The following RFX2 variants were observed in gnomAD, a reference collection of about 807,000 sequenced individuals.
The protein encoded by RFX2 is DNA-binding protein RFX2.
Under a neutral mutation model 87.8 loss-of-function variants are expected in RFX2, and 20 were observed. That is an observed-to-expected ratio of 0.23 (90% CI 0.16 to 0.33). The LOEUF (loss-of-function observed/expected upper bound fraction) is 0.33, where lower values mean the gene tolerates loss of function less well. Ranked by LOEUF, RFX2 falls within the 10% of genes least tolerant of loss-of-function variation. The pLI is 1.00. For missense variants in RFX2, 767 were observed against 1,012.3 expected (o/e 0.76, Z 3.29); for synonymous variants, 397 against 431.3 (o/e 0.92, Z 0.98).
At chr19:6,080,654 G>A (rs2087768203) in intron 1 of RFX2, among the ~76,000 whole-genome samples, 1 of 152,180 alleles carries the variant, frequency 6.6e-6, no homozygotes, top group Non-Finnish European at 1.5e-5. Flanking sequence ...GGAGGATGTG[G>A]GAGAGAGCAG....
In RFX2 at chr19:6,016,289, C is replaced by G. The variant is rs150889636; in HGVS notation, c.598-18G>C. 6.3e-7 allele frequency: 1 copy of G among 1,576,640 alleles called. No homozygotes were observed. Among genetic ancestry groups the G allele is most frequent in the East Asian group, 2.3e-5 (1 of 43,978 alleles). On this transcript the variant is annotated intron_variant, in intron 6 of 17. Coordinates refer to ENST00000303657, the MANE Select transcript of RFX2 (RefSeq NM_000635.4). This position sits in a 1 kb window ranked among gnomAD's most constrained non-coding sequence, Gnocchi z 5.4. ...CACTGGAGCTGTAAAAAGAAAGACA[C>G]GTCTGCGTTTGTCAGAAGCCTGAGG...
chr19:6,075,808 C>A lies in RFX2; in HGVS notation c.-8-28304G>T, dbSNP rs577971090. 1.1e-4 allele frequency among the ~76,000 whole-genome samples: 17 copies of A among 152,290 alleles called. No homozygotes were observed. In the South Asian group the frequency reaches 3.3e-3, roughly 30 times the overall value. On this transcript the variant is annotated intron_variant, in intron 1 of 17. Coordinates refer to ENST00000303657, the MANE Select transcript of RFX2 (RefSeq NM_000635.4). ...TTCGGGGAGTGAGCCAGGCTGCAGA[C>A]ACTAGGACACTGGAGGTTCTAAGAT...
chr19:6,067,276 A>C (rs998573621), intron 1 of RFX2, among the ~76,000 whole-genome samples: 6 of 152,262 alleles, frequency 3.9e-5, no homozygotes, highest in Non-Finnish European at 7.3e-5. Flanking sequence ...AAAACAGAGG[A>C]GTTGATACCA....
chr19:6,008,970 G>A (rs1234533919), intron 9 of RFX2, among the ~76,000 whole-genome samples: 4 of 152,090 alleles, frequency 2.6e-5, no homozygotes, highest in Admixed American at 6.5e-5. Flanking sequence ...GTGAGCCACC[G>A]TGCCCAGTAC....
Position 6,010,270 on chromosome 19 carries a change from T to C in RFX2, c.900-19A>G. On this transcript the variant is annotated intron_variant, in intron 8 of 17. Transcript: ENST00000303657. The surrounding 1 kb of genome is among the most constrained non-coding windows in gnomAD (Gnocchi z 5.0). ...CCGGTACCTAGGCCAGGAACACGCA[T>C]ACCATCATGAGGCCCAGCAGCCCTG... The C allele has an allele frequency of 6.6e-7, 1 of 1,505,720 alleles. No individual in the cohort carries two copies. 93.3% of individuals were successfully genotyped at this position (1,505,720 alleles called of 1,614,324 possible).
rs1347734766 is a variant in RFX2, at chr19:6,096,602, A to G, written c.-9+13791T>C. On this transcript the variant is annotated intron_variant, in intron 1 of 17. Coordinates refer to ENST00000303657, the MANE Select transcript of RFX2 (RefSeq NM_000635.4). ...GCTGGGACTACAGGCGCCCACCACCATGCCCGACTAATTTTTTATATTTTT... is the reference window on the plus strand; with the variant it reads ...GCTGGGACTACAGGCGCCCACCACCGTGCCCGACTAATTTTTTATATTTTT... Among the ~76,000 whole-genome samples the G allele has an allele frequency of 9.2e-5, 14 of 152,018 alleles. No homozygotes were observed. In the East Asian group the frequency reaches 2.5e-3, roughly 27 times the overall value.
In RFX2 at chr19:6,022,932, AGAG is replaced by A. The variant is rs2086837313; in HGVS notation, c.597+3228_597+3230del. Among the ~76,000 whole-genome samples the A allele has an allele frequency of 1.3e-5, 2 of 152,330 alleles. No homozygotes were observed. The highest frequency in any genetic ancestry group is 4.1e-4 in the South Asian group (2 of 4,830). On this transcript the variant is annotated intron_variant, in intron 6 of 17. Transcript: ENST00000303657. The surrounding 1 kb of genome is among the most constrained non-coding windows in gnomAD (Gnocchi z 6.2). Reference sequence around the variant, plus strand: ...TACACCTTCCCTCCTGAGACAGCGCAGAGGAGGGAACCAGCTCCGCGGAACACG... The same window carrying A: ...TACACCTTCCCTCCTGAGACAGCGCAGAGGGAACCAGCTCCGCGGAACACG...
In RFX2 at chr19:6,002,596, G is replaced by A; in HGVS notation, c.1650+125C>T. The A allele has an allele frequency of 1.7e-6, 2 of 1,194,012 alleles. No homozygotes were observed. Among genetic ancestry groups the A allele is most frequent in the East Asian group, 4.7e-5 (2 of 42,134 alleles). The allele number at this position is 1,194,012 out of a possible 1,614,324, so 74.0% of individuals were successfully genotyped here. On this transcript the variant is annotated intron_variant, in intron 14 of 17. Transcript: ENST00000303657. The surrounding 1 kb of genome is among the most constrained non-coding windows in gnomAD (Gnocchi z 6.7). The stretch of plus-strand genomic sequence containing the variant: ...GGCTTTGGCCTGGGACCCGTGTCAT[G>A]CAACAGAACCGTGGCCAGGCTCGGG...
chr19:6,018,779 T>C (rs2086765640), intron 6 of RFX2, among the ~76,000 whole-genome samples: 1 of 152,206 alleles, frequency 6.6e-6, no homozygotes, highest in South Asian at 2.1e-4. Flanking sequence ...GTCCTGCCTC[T>C]GGGGCAAGCC....
At position 5,998,079 on chromosome 19, in the gene RFX2, G is replaced by A. The variant is rs1049741893; in HGVS notation, c.1860-866C>T. ...TCCCAGCACTTTGGGAGGCCAGGGC[G>A]GGCAGATCACTTGGGGTCAGGAGTT... On this transcript the variant is annotated intron_variant, in intron 15 of 17. Coordinates refer to ENST00000303657, the MANE Select transcript of RFX2 (RefSeq NM_000635.4). This position sits in a 1 kb window ranked among gnomAD's most constrained non-coding sequence, Gnocchi z 4.2. Among the ~76,000 whole-genome samples the A allele has an allele frequency of 2.0e-5, 3 of 152,046 alleles. No homozygotes were observed. Among genetic ancestry groups the A allele is most frequent in the Non-Finnish European group, 2.9e-5 (2 of 67,998 alleles).
intron 1 of RFX2, among the ~76,000 whole-genome samples, chr19:6,066,418 G>A (rs1390216378): frequency 1.3e-5 from 2 of 152,192 alleles, no homozygotes; most frequent in South Asian, 2.1e-4. Flanking sequence ...TGAAGGCATC[G>A]TGCTGAAAAG....
Position 6,002,694 on chromosome 19 carries a change from C to T in RFX2, c.1650+27G>A, listed in dbSNP as rs1411829280. On this transcript the variant is annotated intron_variant, in intron 14 of 17. Coordinates refer to ENST00000303657, the MANE Select transcript of RFX2 (RefSeq NM_000635.4). The surrounding 1 kb of genome is among the most constrained non-coding windows in gnomAD (Gnocchi z 6.7). ...TTTGCTGGAGGGCGGGAAGCCCGGG[C>T]CCTGGGGACGGTGTGGAGGAAGTCA... is the stretch of plus-strand genomic sequence containing the variant. 4 of 1,609,806 alleles carry T rather than the reference C, an allele frequency of 2.5e-6. No individual in the cohort carries two copies. The highest frequency in any genetic ancestry group is 3.4e-6 in the Non-Finnish European group (4 of 1,177,864).
At chr19:6,058,107 G>GAT (rs759144357) in intron 1 of RFX2, among the ~76,000 whole-genome samples, 3 of 152,216 alleles carry the variant, frequency 2.0e-5, no homozygotes, top group Admixed American at 6.5e-5. Flanking sequence ...ACTCTGCCCT[G>GAT]ATAATCACCA....
Position 6,061,994 on chromosome 19 carries a change from C to CA in RFX2, c.-8-14491dup, listed in dbSNP as rs1335997001. 6.6e-6 allele frequency among the ~76,000 whole-genome samples: 1 copy of CA among 151,872 alleles called. No individual in the cohort carries two copies. The highest frequency in any genetic ancestry group is 2.4e-5 in the African/African-American group (1 of 41,332). On this transcript the variant is annotated intron_variant, in intron 1 of 17. Coordinates refer to ENST00000303657, the MANE Select transcript of RFX2 (RefSeq NM_000635.4). This position sits in a 1 kb window ranked among gnomAD's most constrained non-coding sequence, Gnocchi z 5.2. ...CCATCTCTACAAACAAACAAACAAA[C>CA]AACAACAACAACAAACTGGGGGCCG...
In RFX2 at chr19:5,994,877, C is replaced by CT; in HGVS notation, c.2129dup (p.Arg711AlafsTer5). ...AGTGGTTGGGGTCACTGCGCTCCCG[C>CT]TTTACCAGGGGCTCACCCAGGCTGC... On this transcript the variant is annotated frameshift_variant, in exon 18 of 18. Transcript: ENST00000303657. LOFTEE classifies it high-confidence loss of function. The CT allele has an allele frequency of 6.2e-7, 1 of 1,610,746 alleles. No individual in the cohort carries two copies. Among genetic ancestry groups the CT allele is most frequent in the Non-Finnish European group, 8.5e-7 (1 of 1,179,908 alleles).
At chr19:6,060,446 G>T (rs2087411518) in intron 1 of RFX2, among the ~76,000 whole-genome samples, 2 of 152,120 alleles carry the variant, frequency 1.3e-5, no homozygotes, top group African/African-American at 2.4e-5. Flanking sequence ...TTCTGCACAG[G>T]CTCCATTCTT....
At chr19:6,082,927 T>C (rs2087806117) in intron 1 of RFX2, among the ~76,000 whole-genome samples, 1 of 152,190 alleles carries the variant, frequency 6.6e-6, no homozygotes, top group South Asian at 2.1e-4. Flanking sequence ...TTCAACATTT[T>C]GCTCATCATG....
chr19:6,003,777 TCAAAAAA>T (rs1339307189), intron 13 of RFX2, among the ~76,000 whole-genome samples: 7 of 32,834 alleles, frequency 2.1e-4, no homozygotes, highest in Admixed American at 1.0e-3. Context: ...AGACTCTGTC[TCAAAAAA>T]AAAAAAAAAA....
chr19:6,091,146 C>T (rs1555682470), intron 1 of RFX2, among the ~76,000 whole-genome samples: 1 of 152,148 alleles, frequency 6.6e-6, no homozygotes, highest in Non-Finnish European at 1.5e-5. Flanking sequence ...CTTCACAACA[C>T]TGTGAAAATC....
Sources: gnomAD v4.1 joint callset for allele counts (sites outside exome capture counted in the v4.1 genomes callset) on GRCh38, gnomAD v4.1.1 for gene constraint, Gnocchi (gnomAD v3.1) non-coding constraint, MANE v1.5 for transcripts, NCBI Gene and HGNC (gene_info 2026-07-23, HGNC 2026-07-21) for gene names.